Variants in HS6ST3 observed in about 807,000 individuals in gnomAD.
HS6ST3 encodes the protein heparan sulfate 6-O-sulfotransferase 3.
In HS6ST3, 12 loss-of-function variants were observed where a neutral mutation model predicts 36.7. That is an observed-to-expected ratio of 0.33 (90% CI 0.21 to 0.53). The LOEUF (loss-of-function observed/expected upper bound fraction) is 0.53. Among genes scored for constraint, HS6ST3 ranks in the 20% least tolerant of loss-of-function variants. The pLI, the probability that HS6ST3 is intolerant of heterozygous loss-of-function variation, is 0.95. For synonymous variants in HS6ST3, 240 were observed against 257.5 expected, an observed-to-expected ratio of 0.93 and a Z score of 0.65; for missense variants, 584 against 640.9, an observed-to-expected ratio of 0.91 and a Z score of 0.96.
At chr13:96,101,215 A>G (rs1325825396) in intron 1 of HS6ST3, among the ~76,000 whole-genome samples, 2 of 152,156 alleles carry the variant, frequency 1.3e-5, no homozygotes, top group Non-Finnish European at 2.9e-5. Flanking sequence ...AAGGCATGAC[A>G]AGTAGTTTGC....
chr13:96,355,958 C>T (rs2055208204), intron 1 of HS6ST3, among the ~76,000 whole-genome samples: 1 of 152,264 alleles, frequency 6.6e-6, no homozygotes, highest in East Asian at 1.9e-4. Flanking sequence ...TCAGCATCTT[C>T]ACCATGAGTA....
intron 1 of HS6ST3, among the ~76,000 whole-genome samples, chr13:96,626,650 G>A (rs981972758): frequency 6.6e-6 from 1 of 151,856 alleles, no homozygotes; most frequent in Non-Finnish European, 1.5e-5. Context: ...GAAAAATTTG[G>A]GATGAACTGT....
chr13:96,798,571 T>C (rs1877968706), intron 1 of HS6ST3, among the ~76,000 whole-genome samples: 2 of 152,114 alleles, frequency 1.3e-5, no homozygotes, highest in African/African-American at 4.8e-5. Context: ...CTATAGTTAC[T>C]ATGGACTTTG....
intron 1 of HS6ST3, among the ~76,000 whole-genome samples, chr13:96,807,991 G>A (rs1339461251): frequency 3.3e-5 from 5 of 152,062 alleles, no homozygotes; most frequent in Non-Finnish European, 7.4e-5. Context: ...TCAGATGACT[G>A]ACTTCCAAAA....
chr13:96,265,238 T>C (rs913269861), intron 1 of HS6ST3, among the ~76,000 whole-genome samples: 5 of 152,178 alleles, frequency 3.3e-5, no homozygotes, highest in Non-Finnish European at 7.3e-5. Flanking sequence ...TGCAGTTATG[T>C]GATCATGGCT....
At chr13:96,490,507 A>G (rs2055939580) in intron 1 of HS6ST3, among the ~76,000 whole-genome samples, 1 of 152,220 alleles carries the variant, frequency 6.6e-6, no homozygotes, top group Admixed American at 6.6e-5. Context: ...TAAAAGATTT[A>G]TGAGATGACT....
chr13:96,506,229 T>TC (rs2056025830), intron 1 of HS6ST3, among the ~76,000 whole-genome samples: 1 of 152,164 alleles, frequency 6.6e-6, no homozygotes, highest in Admixed American at 6.6e-5. Flanking sequence ...AGAACTTTTC[T>TC]TCCAAAAACT....
chr13:96,532,450 C>T (rs924653626), intron 1 of HS6ST3, among the ~76,000 whole-genome samples: 6 of 152,194 alleles, frequency 3.9e-5, no homozygotes, highest in South Asian at 2.1e-4. Flanking sequence ...GGGGTTTTAT[C>T]GGGAAAAGTA....
chr13:96,767,365 G>T (rs1293096588), intron 1 of HS6ST3, among the ~76,000 whole-genome samples: 1 of 152,148 alleles, frequency 6.6e-6, no homozygotes, highest in African/African-American at 2.4e-5. Context: ...TTTAAGAAAA[G>T]GAAGGTCATC....
At chr13:96,811,069 GAAGCAGCAGCAAGCCCCTAGACA>G (rs1594865939) in intron 1 of HS6ST3, among the ~76,000 whole-genome samples, 1 of 152,220 alleles carries the variant, frequency 6.6e-6, no homozygotes, top group East Asian at 1.9e-4. Flanking sequence ...TGTTCTGCAT[GAAGCAGCAGCAAGCCCCTAGACA>G]GGTGAATCTT....
intron 1 of HS6ST3, among the ~76,000 whole-genome samples, chr13:96,394,163 G>A (rs1814011787): frequency 6.6e-6 from 1 of 152,156 alleles, no homozygotes; most frequent in South Asian, 2.1e-4. Flanking sequence ...TGCTGAGGAA[G>A]CAGGGTAAAC....
chr13:96,329,028 TC>T (rs1328059252), intron 1 of HS6ST3, among the ~76,000 whole-genome samples: 1 of 151,216 alleles, frequency 6.6e-6, no homozygotes, highest in Non-Finnish European at 1.5e-5. Flanking sequence ...GGTGGTGATA[TC>T]CCCTTTATCA....
chr13:96,428,481 C>T (rs1291340566), intron 1 of HS6ST3, among the ~76,000 whole-genome samples: 1 of 152,174 alleles, frequency 6.6e-6, no homozygotes, highest in Non-Finnish European at 1.5e-5. Context: ...CTCTCCTTGG[C>T]TTGTAAATGT....
chr13:96,254,072 G>A (rs991007363), intron 1 of HS6ST3, among the ~76,000 whole-genome samples: 1 of 152,112 alleles, frequency 6.6e-6, no homozygotes, highest in South Asian at 2.1e-4. Context: ...TTCTGAATGT[G>A]TATAGGTTAC....
At chr13:96,518,654 T>C (rs2056081974) in intron 1 of HS6ST3, among the ~76,000 whole-genome samples, 1 of 152,186 alleles carries the variant, frequency 6.6e-6, no homozygotes, top group South Asian at 2.1e-4. Context: ...ATGTGCTATA[T>C]TTTTATAGAT....
intron 1 of HS6ST3, among the ~76,000 whole-genome samples, chr13:96,118,663 TA>T (rs2053906483): frequency 1.3e-3 from 8 of 6,372 alleles, no homozygotes; most frequent in Non-Finnish European, 2.6e-3. Flanking sequence ...TATATATATA[TA>T]TATATATATA....
chr13:96,147,374 C>T (rs753284305), intron 1 of HS6ST3, among the ~76,000 whole-genome samples: 3 of 152,142 alleles, frequency 2.0e-5, no homozygotes, highest in South Asian at 2.1e-4. Context: ...TTGGTTGTCA[C>T]GATAAGAAGT....
chr13:96,515,238 G>A (rs192975437), intron 1 of HS6ST3, among the ~76,000 whole-genome samples: 1 of 152,252 alleles, frequency 6.6e-6, no homozygotes, highest in East Asian at 1.9e-4. Context: ...AATCTGTGGG[G>A]TTCCTTGTTA....
chr13:96,838,942 T>C lies in HS6ST3; in HGVS notation c.*5744T>C, dbSNP rs535261871. 1 of 152,226 alleles carries C rather than the reference T, an allele frequency of 6.6e-6. No homozygotes were observed. Among genetic ancestry groups the C allele is most frequent in the Non-Finnish European group, 1.5e-5 (1 of 68,040 alleles). 9.4% of individuals were successfully genotyped at this position (152,226 alleles called of 1,614,324 possible). ...CATGCTAACCTAGCAGTACTCCAGA[T>C]TGAGAACGCAGATGGACAGGTGTCT... is the stretch of plus-strand genomic sequence containing the variant. On this transcript the variant is annotated 3_prime_UTR_variant, in exon 2 of 2. Transcript: ENST00000376705.
Sources: gnomAD v4.1 joint callset for allele counts (sites outside exome capture counted in the v4.1 genomes callset) on GRCh38, gnomAD v4.1.1 for gene constraint, MANE v1.5 for transcripts, NCBI Gene and HGNC (gene_info 2026-07-23, HGNC 2026-07-21) for gene names.